LANCL2: variants seen among roughly 807,000 people sequenced by gnomAD.
The protein encoded by LANCL2 is lanC-like protein 2.
Under a neutral mutation model 56.9 loss-of-function variants are expected in LANCL2, and 33 were observed. The observed-to-expected ratio is 0.58, with a 90% CI of 0.44 to 0.78. The LOEUF is 0.78. LANCL2 is among the 30% of genes least tolerant of loss of function. LANCL2 has a pLI of 0.00. For missense variants in LANCL2, 562 were observed against 580.2 expected, an observed-to-expected ratio of 0.97 and a Z score of 0.32; for synonymous variants, 233 against 228.2, an observed-to-expected ratio of 1.02 and a Z score of -0.19.
In LANCL2 at chr7:55,391,834, A is replaced by G; in HGVS notation, c.246A>G (p.Lys82=). Reference sequence around the variant, plus strand: ...TAAGACGGATCCAGACCAAAATTAAAGATCTTCTGCAGCAAATGGAAGAAG... The same window carrying G: ...TAAGACGGATCCAGACCAAAATTAAGGATCTTCTGCAGCAAATGGAAGAAG... ...NFIRRIQTKI[K]DLLQQMEEGL... The change falls in exon 2 of 9, where the codon AAA becomes AAG. Residue 82 remains lysine, a synonymous_variant. Coordinates refer to ENST00000254770, the MANE Select transcript of LANCL2 (RefSeq NM_018697.4). 1 of 1,612,558 alleles carries G rather than the reference A, an allele frequency of 6.2e-7. No homozygotes were observed. Among genetic ancestry groups the G allele is most frequent in the Non-Finnish European group, 8.5e-7 (1 of 1,178,696 alleles).
At position 55,411,571 on chromosome 7, in the gene LANCL2, G is replaced by GA. The variant is rs1342830457; in HGVS notation, c.826-334dup. The stretch of plus-strand genomic sequence containing the variant: ...CTTTTTAGGAGGTGTGAGCCCCATG[G>GA]AAGGAAATCAAGTATTGGTATTTTA... On this transcript the variant is annotated intron_variant, in intron 5 of 8. Coordinates refer to ENST00000254770, the MANE Select transcript of LANCL2 (RefSeq NM_018697.4). Among the ~76,000 whole-genome samples the GA allele has an allele frequency of 6.6e-5, 10 of 152,284 alleles. No homozygotes were observed. The South Asian group carries it at 1.9e-3, about 28-fold the overall frequency.
intron 1 of LANCL2, among the ~76,000 whole-genome samples, chr7:55,385,979 A>G (rs2128992260): frequency 6.6e-6 from 1 of 152,268 alleles, no homozygotes; most frequent in East Asian, 1.9e-4. Flanking sequence ...TATTTCTCCC[A>G]TTTGCTTTTG....
At position 55,432,553 on chromosome 7, in the gene LANCL2, C is replaced by T. The variant is rs1790741446; in HGVS notation, c.*1233C>T. The T allele has an allele frequency of 6.6e-6, 1 of 152,126 alleles. No individual in the cohort carries two copies. Among genetic ancestry groups the T allele is most frequent in the Admixed American group, 6.6e-5 (1 of 15,264 alleles). 9.4% of individuals were successfully genotyped at this position (152,126 alleles called of 1,614,324 possible). ...AGGTGGTCTGGGACTAGGTACTTCT[C>T]GTCTTGTGAGCTAAGGCTTGTGTCA... On this transcript the variant is annotated 3_prime_UTR_variant, in exon 9 of 9. Transcript: ENST00000254770.
intron 5 of LANCL2, among the ~76,000 whole-genome samples, chr7:55,405,052 A>G (rs1266410998): frequency 6.6e-6 from 1 of 152,114 alleles, no homozygotes; most frequent in Non-Finnish European, 1.5e-5. Flanking sequence ...TATATATGAG[A>G]TGGGATTTCT....
chr7:55,416,501 G>A (rs751184137), intron 6 of LANCL2, among the ~76,000 whole-genome samples: 9 of 152,016 alleles, frequency 5.9e-5, no homozygotes, highest in South Asian at 2.1e-4. Flanking sequence ...GGCTGGTTTC[G>A]AACTCGTGGA....
rs1790685791 is a variant in LANCL2 at position 55,428,164 on chromosome 7, A to G, written c.1186-211A>G. The G allele has an allele frequency of 6.7e-6, 4 of 592,634 alleles. No homozygotes were observed. In the Admixed American group the frequency reaches 8.8e-5, roughly 13 times the overall value. 36.7% of individuals were successfully genotyped at this position (592,634 alleles called of 1,614,324 possible). A position where few individuals can be genotyped will look rare whatever the true frequency, so the allele number is the denominator to read the frequency against. On this transcript the variant is annotated intron_variant, in intron 7 of 8. Coordinates refer to ENST00000254770, the MANE Select transcript of LANCL2 (RefSeq NM_018697.4). ...TCGGACTTCCCAGCAGCTGTAAGGC[A>G]GACCCCACTCTACAGCTGAGGCAGC...
chr7:55,426,580 T>G (rs1790667019), intron 7 of LANCL2, among the ~76,000 whole-genome samples: 2 of 152,130 alleles, frequency 1.3e-5, no homozygotes, highest in African/African-American at 2.4e-5. Flanking sequence ...GCTCCCCCAC[T>G]GATGGAAGCA....
chr7:55,429,546 A>G (rs1315247056), intron 8 of LANCL2, among the ~76,000 whole-genome samples: 2 of 152,250 alleles, frequency 1.3e-5, no homozygotes, highest in African/African-American at 4.8e-5. Context: ...ATATTTTTAA[A>G]TCATATTTTA....
At chr7:55,387,620 A>G (rs1790139639) in intron 1 of LANCL2, among the ~76,000 whole-genome samples, 1 of 151,938 alleles carries the variant, frequency 6.6e-6, no homozygotes, top group South Asian at 2.1e-4. Flanking sequence ...TAATACCTTA[A>G]GAAAACCTTG....
At chr7:55,395,828 A>G (rs1323137751) in intron 2 of LANCL2, among the ~76,000 whole-genome samples, 5 of 152,232 alleles carry the variant, frequency 3.3e-5, no homozygotes, top group Non-Finnish European at 7.3e-5. Context: ...ACAGTCATGC[A>G]TCGCTTCACA....
chr7:55,390,315 G>A (rs992930718), intron 1 of LANCL2, among the ~76,000 whole-genome samples: 1 of 152,136 alleles, frequency 6.6e-6, no homozygotes, highest in Non-Finnish European at 1.5e-5. Flanking sequence ...ATAAAAATCA[G>A]CAAAGGTGGG....
Position 55,365,920 on chromosome 7 carries a change from C to T in LANCL2, c.-106C>T, listed in dbSNP as rs1789854988. 2.2e-6 allele frequency: 2 copies of T among 913,744 alleles called. No individual in the cohort carries two copies. Among genetic ancestry groups the T allele is most frequent in the South Asian group, 2.0e-5 (1 of 49,548 alleles). 56.6% of individuals were successfully genotyped at this position (913,744 alleles called of 1,614,324 possible). A position where few individuals can be genotyped will look rare whatever the true frequency, so the allele number is the denominator to read the frequency against. ...CCGCCAGCGCGCGGCCTCGCTCCTC[C>T]TAGAGGACGCTCTCTGCGCGGGCCC... On this transcript the variant is annotated 5_prime_UTR_variant, in exon 1 of 9. Transcript: ENST00000254770.
intron 1 of LANCL2, among the ~76,000 whole-genome samples, chr7:55,390,178 T>C (rs1790170014): frequency 6.6e-6 from 1 of 152,174 alleles, no homozygotes; most frequent in Non-Finnish European, 1.5e-5. Flanking sequence ...GTACTAGCCA[T>C]TAATTTGCCT....
At chr7:55,410,205 T>A (rs1365518841) in intron 5 of LANCL2, among the ~76,000 whole-genome samples, 2 of 152,258 alleles carry the variant, frequency 1.3e-5, no homozygotes, top group African/African-American at 4.8e-5. Context: ...GATAAGCTCC[T>A]CAACATTTTT....
chr7:55,374,389 A>G (rs561277701), intron 1 of LANCL2, among the ~76,000 whole-genome samples: 4 of 152,230 alleles, frequency 2.6e-5, no homozygotes, highest in South Asian at 2.1e-4. Flanking sequence ...ATCTATGACT[A>G]TTTTTAGCAG....
At chr7:55,406,935 G>A (rs764636901) in intron 5 of LANCL2, among the ~76,000 whole-genome samples, 44 of 152,194 alleles carry the variant, frequency 2.9e-4, no homozygotes, top group Non-Finnish European at 4.6e-4. Context: ...GTCAGTGCCC[G>A]AGGGGGACGG....
intron 1 of LANCL2, among the ~76,000 whole-genome samples, chr7:55,389,085 T>C (rs568157844): frequency 4.6e-5 from 7 of 152,266 alleles, no homozygotes; most frequent in Non-Finnish European, 8.8e-5. Flanking sequence ...CTCCTTATGC[T>C]GCTTTTGGTT....
rs188055877 is a variant in LANCL2 at position 55,416,292 on chromosome 7, A to C, written c.1008+4203A>C. Among the ~76,000 whole-genome samples the C allele has an allele frequency of 4.6e-3, 699 of 151,488 alleles. 3 individuals are homozygous for C. The highest frequency in any genetic ancestry group is 5.8e-3 in the Non-Finnish European group (390 of 67,812). Reference sequence around the variant, plus strand: ...TGTCTCTTCATATCTTCTTCTTATTATTATTATTTTTTGAGACAGGGTCTT... The same window carrying C: ...TGTCTCTTCATATCTTCTTCTTATTCTTATTATTTTTTGAGACAGGGTCTT... On this transcript the variant is annotated intron_variant, in intron 6 of 8. Transcript: ENST00000254770.
intron 1 of LANCL2, among the ~76,000 whole-genome samples, chr7:55,385,424 TA>T (rs1790114185): frequency 6.6e-6 from 1 of 152,204 alleles, no homozygotes; most frequent in Non-Finnish European, 1.5e-5. Context: ...TCTATTTTCC[TA>T]AGCGTCGACT....
Sources: allele counts gnomAD v4.1 joint callset (sites outside exome capture counted in the v4.1 genomes callset), GRCh38; gene constraint gnomAD v4.1.1; transcripts MANE v1.5; gene names NCBI Gene and HGNC (gene_info 2026-07-23, HGNC 2026-07-21).